Variants in TNFRSF10D observed in about 807,000 individuals in gnomAD.
The protein encoded by TNFRSF10D is tumor necrosis factor receptor superfamily member 10D.
In TNFRSF10D, 28 loss-of-function variants were observed where a neutral mutation model predicts 42.1. The observed-to-expected ratio is 0.66, with a 90% CI of 0.49 to 0.91. TNFRSF10D has a LOEUF of 0.91. TNFRSF10D is among the 40% of genes least tolerant of loss of function. The pLI is 0.00. For synonymous variants in TNFRSF10D, 186 were observed against 189.4 expected (o/e 0.98, Z 0.15); for missense variants, 503 against 486.1 (o/e 1.03, Z -0.33).
intron 2 of TNFRSF10D, among the ~76,000 whole-genome samples, chr8:23,149,100 G>A (rs998353744): frequency 7.1e-6 from 1 of 140,390 alleles, no homozygotes; most frequent in South Asian, 2.3e-4. Flanking sequence ...TGAGGCAGGA[G>A]AATGGCGTGA....
intron 2 of TNFRSF10D, 136 bp downstream of exon 2, chr8:23,154,738 A>G (rs1800251187): frequency 3.0e-6 from 3 of 985,796 alleles, no homozygotes; most frequent in African/African-American, 3.2e-5. Context: ...CAAATACACG[A>G]TAAGTATGTG....
chr8:23,141,243 A>G (rs1176981346), intron 7 of TNFRSF10D, among the ~76,000 whole-genome samples: 866 of 152,068 alleles, frequency 5.7e-3, no homozygotes, highest in African/African-American at 0.018. Context: ...GGGGGCTCAC[A>G]CTTATAATAC....
At chr8:23,156,234 G>A (rs1455707135) in intron 1 of TNFRSF10D, among the ~76,000 whole-genome samples, 568 of 151,644 alleles carry the variant, frequency 3.7e-3, no homozygotes, top group African/African-American at 0.012. Context: ...AGTTGGGAGT[G>A]TGTAAAAGTA....
Position 23,144,547 on chromosome 8 carries a change from T to C in TNFRSF10D, c.857A>G (p.Gln286Arg), listed in dbSNP as rs899511539. ...RNETLSNRYL[Q>R]PTQVSEQEIQ... is the part of the protein sequence containing the mutation. ...TTCCTGCTCAGAGACCTGGGTGGGCTGCAAGTATCTGTTACTCAGGGTCTC... is the reference window on the plus strand; with the variant it reads ...TTCCTGCTCAGAGACCTGGGTGGGCCGCAAGTATCTGTTACTCAGGGTCTC... The change falls in exon 7 of 9, where the codon CAG (glutamine) becomes CGG (arginine). Residue 286 changes from glutamine (Q) to arginine (R), a missense_variant. Transcript: ENST00000312584. 1 of 1,614,190 alleles carries C rather than the reference T, an allele frequency of 6.2e-7. No homozygotes were observed. The highest frequency in any genetic ancestry group is 1.3e-5 in the African/African-American group (1 of 75,050).
At chr8:23,161,881 A>C (rs993699696) in intron 1 of TNFRSF10D, among the ~76,000 whole-genome samples, 6 of 152,336 alleles carry the variant, frequency 3.9e-5, no homozygotes, top group African/African-American at 1.4e-4. Context: ...TAGAAGTAAA[A>C]TTCTACTTCT....
chr8:23,146,876 G>A, intron 4 of TNFRSF10D, 85 bp downstream of exon 4: 2 of 1,179,068 alleles, frequency 1.7e-6, no homozygotes, highest in Non-Finnish European at 2.5e-6. Flanking sequence ...GGATCCATGG[G>A]GTCAGCGGAG....
At chr8:23,149,189 C>CAAA (rs370400558) in intron 2 of TNFRSF10D, among the ~76,000 whole-genome samples, 6 of 85,660 alleles carry the variant, frequency 7.0e-5, no homozygotes, top group East Asian at 3.5e-4. Context: ...GACTCTGTCT[C>CAAA]AAAAAAAAAA....
chr8:23,142,537 G>C (rs895538375), intron 7 of TNFRSF10D, among the ~76,000 whole-genome samples: 9 of 152,166 alleles, frequency 5.9e-5, no homozygotes, highest in African/African-American at 2.2e-4. Context: ...ATAAGTAGTA[G>C]CTAAACATCA....
At position 23,135,705 on chromosome 8, in the gene TNFRSF10D, ACGCCAAAAAACCC is replaced by A; in HGVS notation, c.*2152_*2164del. On this transcript the variant is annotated 3_prime_UTR_variant, in exon 9 of 9. Coordinates refer to ENST00000312584, the MANE Select transcript of TNFRSF10D (RefSeq NM_003840.5). Reference sequence around the variant, plus strand: ...AAGCAAAACCTAAACAAATCAACCAACGCCAAAAAACCCCAACAATTTCATGTTGTCAGGAAGC... The same window carrying A: ...AAGCAAAACCTAAACAAATCAACCAACAACAATTTCATGTTGTCAGGAAGC... 1 of 295,202 alleles carries A rather than the reference ACGCCAAAAAACCC, an allele frequency of 3.4e-6. No homozygotes were observed. Among genetic ancestry groups the A allele is most frequent in the Non-Finnish European group, 6.7e-6 (1 of 148,478 alleles). The allele number at this position is 295,202 out of a possible 1,614,324, so 18.3% of individuals were successfully genotyped here. A position where few individuals can be genotyped will look rare whatever the true frequency, so the allele number is the denominator to read the frequency against.
intron 1 of TNFRSF10D, among the ~76,000 whole-genome samples, chr8:23,162,656 C>T (rs1350753020): frequency 6.6e-6 from 1 of 152,208 alleles, no homozygotes; most frequent in Non-Finnish European, 1.5e-5. Context: ...CCAAACCCAA[C>T]TCACAACGAG....
Position 23,138,312 on chromosome 8 carries a change from T to C in TNFRSF10D, c.955-52A>G, listed in dbSNP as rs146336056. On this transcript the variant is annotated intron_variant, in intron 7 of 8. Coordinates refer to ENST00000312584, the MANE Select transcript of TNFRSF10D (RefSeq NM_003840.5). ...GGTCAGAGTCAGGAGTCCTGCAGTC[T>C]AGTACTGACCCTGACCACTAGCCAG... 2,647 of 1,602,720 alleles carry C rather than the reference T, an allele frequency of 1.7e-3. No individual in the cohort carries two copies. In the African/African-American group the frequency reaches 0.019, roughly 12 times the overall value.
intron 1 of TNFRSF10D, among the ~76,000 whole-genome samples, chr8:23,158,893 C>T (rs1040503305): frequency 7.9e-5 from 12 of 152,088 alleles, no homozygotes; most frequent in East Asian, 1.9e-4. Context: ...GTGGAACTAT[C>T]GCCGCGATAA....
At chr8:23,143,009 C>G (rs922027017) in intron 7 of TNFRSF10D, among the ~76,000 whole-genome samples, 2 of 150,184 alleles carry the variant, frequency 1.3e-5, no homozygotes, top group African/African-American at 2.5e-5. Context: ...TGGAGTCTGA[C>G]TCTGTAGCCC....
intron 3 of TNFRSF10D, 60 bp downstream of exon 3, chr8:23,148,378 C>T (rs878953574): frequency 8.8e-6 from 12 of 1,358,166 alleles, no homozygotes; most frequent in South Asian, 1.2e-5. Context: ...ACATCGGCTA[C>T]AGCTCCCACC....
At position 23,163,827 on chromosome 8, in the gene TNFRSF10D, T is replaced by C. The variant is rs1422711436; in HGVS notation, c.109A>G (p.Ile37Val). 1.1e-5 allele frequency: 17 copies of C among 1,608,688 alleles called. No homozygotes were observed. Among genetic ancestry groups the C allele is most frequent in the Non-Finnish European group, 1.4e-5 (17 of 1,178,330 alleles). ...ACGATGAAGACGACGAACTTAAGGA[T>C]CTTGGGGTCCAGGAGCCATGGTCTG... ...GTRPWLLDPK[I>V]LKFVVFIVAV... is the part of the protein sequence containing the mutation. The change falls in exon 1 of 9, where the codon ATC becomes GTC. Residue 37 changes from isoleucine (I) to valine (V), a missense_variant. Coordinates refer to ENST00000312584, the MANE Select transcript of TNFRSF10D (RefSeq NM_003840.5).
At chr8:23,151,302 G>GC (rs1800209576) in intron 2 of TNFRSF10D, among the ~76,000 whole-genome samples, 1 of 151,976 alleles carries the variant, frequency 6.6e-6, no homozygotes, top group South Asian at 2.1e-4. Flanking sequence ...CACCTGGCAA[G>GC]CCTGTCCTTT....
intron 2 of TNFRSF10D, among the ~76,000 whole-genome samples, chr8:23,153,866 T>C (rs77398407): frequency 0.021 from 3,206 of 152,286 alleles, 123 homozygotes; most frequent in African/African-American, 0.074. Context: ...AATCCCAGTA[T>C]TGTGTATACA....
intron 2 of TNFRSF10D, among the ~76,000 whole-genome samples, chr8:23,150,441 T>A (rs115688250): frequency 5.2e-3 from 789 of 151,976 alleles, no homozygotes; most frequent in African/African-American, 0.016. Context: ...AAATACTGGA[T>A]TAAGTCCCTG....
chr8:23,147,060 T>C lies in TNFRSF10D; in HGVS notation c.383A>G (p.Lys128Arg), dbSNP rs1160334705. ...GTCTCTGGTCGTGGTACAGGAACTT[T>C]TATTTGTTTGACCTGACAACAGAGC... ...CTVCKSGQTN[K>R]SSCTTTRDTV... Residue 128 changes from lysine to arginine, a missense_variant, in exon 4 of 9, where the codon AAA becomes AGA. Lys to Arg is a conservative substitution (Grantham distance 26). Transcript: ENST00000312584. The C allele has an allele frequency of 6.2e-7, 1 of 1,613,930 alleles. No homozygotes were observed. Among genetic ancestry groups the C allele is most frequent in the African/African-American group, 1.3e-5 (1 of 74,968 alleles).
Sources: allele counts gnomAD v4.1 joint callset (sites outside exome capture counted in the v4.1 genomes callset), GRCh38; gene constraint gnomAD v4.1.1; transcripts MANE v1.5; gene names NCBI Gene and HGNC (gene_info 2026-07-23, HGNC 2026-07-21).